The following UBE2U variants were observed in gnomAD, a reference collection of about 807,000 sequenced individuals.
UBE2U encodes ubiquitin conjugating enzyme E2 U.
Under a neutral mutation model 41.2 loss-of-function variants are expected in UBE2U, and 39 were observed. The ratio of observed to expected loss-of-function variants is 0.95; its 90% CI spans 0.73 to 1.24. UBE2U has a LOEUF of 1.24. UBE2U is among the 50% of genes most tolerant of loss of function. UBE2U has a pLI of 0.00. For missense variants in UBE2U, 336 were observed against 363.1 expected (o/e 0.93, Z 0.61); for synonymous variants, 107 against 117.8 (o/e 0.91, Z 0.60).
chr1:64,203,815 G>C lies in UBE2U; in HGVS notation c.-236G>C, dbSNP rs1308572874. ...GGCACTGCAGTGAAACGCCGCAGAT[G>C]AGGAAGTGCCCAAGTCTTCCTTCGG... On this transcript the variant is annotated 5_prime_UTR_variant, in exon 1 of 10. An upstream start codon of the reference 5' UTR is lost. Coordinates refer to ENST00000371077, the MANE Select transcript of UBE2U (RefSeq NM_001366232.2). 1 of 406,720 alleles carries C rather than the reference G, an allele frequency of 2.5e-6. No homozygotes were observed. Among genetic ancestry groups the C allele is most frequent in the African/African-American group, 2.0e-5 (1 of 49,142 alleles). The allele number at this position is 406,720 out of a possible 1,614,324, so 25.2% of individuals were successfully genotyped here.
At chr1:64,234,219 G>C (rs1224481804) in intron 7 of UBE2U, among the ~76,000 whole-genome samples, 1 of 152,154 alleles carries the variant, frequency 6.6e-6, no homozygotes, top group Non-Finnish European at 1.5e-5. Flanking sequence ...ATATCTCAAA[G>C]TGAATTCATC....
chr1:64,206,177 T>C (rs1001034925), intron 2 of UBE2U, among the ~76,000 whole-genome samples: 2 of 152,292 alleles, frequency 1.3e-5, no homozygotes, highest in South Asian at 2.1e-4. Flanking sequence ...ACTTTAATGC[T>C]CATGTTTTCT....
chr1:64,251,145 A>G (rs925509389), intron 8 of UBE2U, among the ~76,000 whole-genome samples: 11 of 151,328 alleles, frequency 7.3e-5, no homozygotes, highest in Admixed American at 4.0e-4. Flanking sequence ...TGCCTCACAG[A>G]CACAGATGCA....
At chr1:64,260,929 C>T (rs1486394303) in intron 9 of UBE2U, among the ~76,000 whole-genome samples, 1 of 152,094 alleles carries the variant, frequency 6.6e-6, no homozygotes, top group Non-Finnish European at 1.5e-5. Context: ...AAGCTTACTA[C>T]CCTTTAATAG....
At chr1:64,220,721 C>G in intron 5 of UBE2U, 138 bp from the exon 6 acceptor site, 1 of 692,038 alleles carries the variant, frequency 1.4e-6, no homozygotes, top group South Asian at 2.0e-5. Flanking sequence ...TGTCATCTTT[C>G]TTTTGCTCTC....
At chr1:64,253,943 G>A (rs528386179) in intron 8 of UBE2U, among the ~76,000 whole-genome samples, 18 of 152,170 alleles carry the variant, frequency 1.2e-4, no homozygotes, top group Admixed American at 2.6e-4. Context: ...TGTGCTAAAC[G>A]CCCCAAATAG....
rs912563789 is a variant in UBE2U, at chr1:64,215,030, C to G, written c.457+98C>G. On this transcript the variant is annotated intron_variant, in intron 5 of 9. Transcript: ENST00000371077. Reference sequence around the variant, plus strand: ...GGTGGATCATCTGAGGTCCGGAGTTCGAGACCAGCCTGACCAACATGGAGA... The same window carrying G: ...GGTGGATCATCTGAGGTCCGGAGTTGGAGACCAGCCTGACCAACATGGAGA... 14 of 825,586 alleles carry G rather than the reference C, an allele frequency of 1.7e-5. No homozygotes were observed. In the Admixed American group the frequency reaches 1.9e-4, roughly 11 times the overall value. 51.1% of individuals were successfully genotyped at this position (825,586 alleles called of 1,614,324 possible).
chr1:64,249,624 A>G (rs1214705926), intron 8 of UBE2U, among the ~76,000 whole-genome samples: 1 of 151,844 alleles, frequency 6.6e-6, no homozygotes, highest in Non-Finnish European at 1.5e-5. Flanking sequence ...AAAATAAATC[A>G]AATATTTAAA....
In UBE2U at chr1:64,244,157, T is replaced by C. The variant is rs565699982; in HGVS notation, c.677+2424T>C. 5.6e-6 allele frequency: 9 copies of C among 1,609,036 alleles called. No homozygotes were observed. In the South Asian group the frequency reaches 7.7e-5, roughly 14 times the overall value. On this transcript the variant is annotated intron_variant, in intron 8 of 9. Coordinates refer to ENST00000371077, the MANE Select transcript of UBE2U (RefSeq NM_001366232.2). ...GAAAAATCTTTCTTTGGAAGCAGCA[T>C]AGGGGAAGAGCATGAGCTTCAGAGT...
intron 9 of UBE2U, among the ~76,000 whole-genome samples, chr1:64,262,073 T>C (rs970773680): frequency 6.6e-6 from 1 of 152,186 alleles, no homozygotes; most frequent in African/African-American, 2.4e-5. Flanking sequence ...TGATTGTTTG[T>C]TCCCTACCTC....
At chr1:64,241,072 A>G (rs1644827068) in intron 7 of UBE2U, among the ~76,000 whole-genome samples, 3 of 152,220 alleles carry the variant, frequency 2.0e-5, no homozygotes, top group African/African-American at 7.2e-5. Flanking sequence ...TAAGGTAACT[A>G]GAGCAGGAAT....
chr1:64,212,585 A>G (rs767321582), intron 4 of UBE2U, among the ~76,000 whole-genome samples: 1 of 152,162 alleles, frequency 6.6e-6, no homozygotes, highest in African/African-American at 2.4e-5. Context: ...CAAGAAAATA[A>G]CTCAATAGTT....
intron 8 of UBE2U, among the ~76,000 whole-genome samples, chr1:64,244,932 C>G (rs1163007716): frequency 2.0e-5 from 3 of 152,108 alleles, no homozygotes; most frequent in African/African-American, 7.2e-5. Context: ...GAAGAAAGTT[C>G]ATTTTAGAAA....
At chr1:64,230,326 C>T (rs1426228713) in intron 6 of UBE2U, among the ~76,000 whole-genome samples, 1 of 152,154 alleles carries the variant, frequency 6.6e-6, no homozygotes, top group East Asian at 1.9e-4. Context: ...TTGCCTTATT[C>T]GAGAACTACT....
At chr1:64,206,055 T>C (rs1328723477) in intron 2 of UBE2U, among the ~76,000 whole-genome samples, 1 of 152,164 alleles carries the variant, frequency 6.6e-6, no homozygotes, top group East Asian at 1.9e-4. Flanking sequence ...GGAATAACTA[T>C]CAAAATTCCT....
Position 64,210,854 on chromosome 1 carries a change from C to T in UBE2U, c.339+15C>T. 2 of 1,540,608 alleles carry T rather than the reference C, an allele frequency of 1.3e-6. No homozygotes were observed. The highest frequency in any genetic ancestry group is 1.2e-5 in the South Asian group (1 of 84,464). ...TTGCCCTACAGGTAAGAATGGATTTCATATAATCCTCTCTTTAATACTTTT... is the reference window on the plus strand; with the variant it reads ...TTGCCCTACAGGTAAGAATGGATTTTATATAATCCTCTCTTTAATACTTTT... On this transcript the variant is annotated intron_variant, in intron 4 of 9. Transcript: ENST00000371077.
intron 8 of UBE2U, among the ~76,000 whole-genome samples, chr1:64,241,973 T>TGAA (rs1208737903): frequency 6.6e-6 from 1 of 152,160 alleles, no homozygotes; most frequent in Non-Finnish European, 1.5e-5. Context: ...TGATCTGCAG[T>TGAA]GAAGAAATCT....
Position 64,232,638 on chromosome 1 carries a change from A to G in UBE2U, c.584A>G (p.Tyr195Cys). ...GCTACATCAAAAGCCACAGAATACT[A>G]CAGAACTCCATGTAAGGTGAACTAT... is the stretch of plus-strand genomic sequence containing the variant. ...RIATSKATEY[Y>C]RTPLLKVPNF... The change falls in exon 7 of 10, where the codon TAC becomes TGC. Residue 195 changes from tyrosine (Y) to cysteine (C), a missense_variant. Transcript: ENST00000371077. 6.2e-7 allele frequency: 1 copy of G among 1,612,042 alleles called. No individual in the cohort carries two copies. The highest frequency in any genetic ancestry group is 8.5e-7 in the Non-Finnish European group (1 of 1,178,488).
At chr1:64,218,567 A>G (rs1035215533) in intron 5 of UBE2U, among the ~76,000 whole-genome samples, 8 of 152,202 alleles carry the variant, frequency 5.3e-5, no homozygotes, top group African/African-American at 1.9e-4. Flanking sequence ...TTCCTCTGGC[A>G]TTTACCACCA....
Sources: gnomAD v4.1 joint callset for allele counts (sites outside exome capture counted in the v4.1 genomes callset) on GRCh38, gnomAD v4.1.1 for gene constraint, MANE v1.5 for transcripts, NCBI Gene and HGNC (gene_info 2026-07-23, HGNC 2026-07-21) for gene names.